Variants in NOX4 observed in about 807,000 individuals in gnomAD.
The protein encoded by NOX4 is NADPH oxidase 4.
Under a neutral mutation model 87.6 loss-of-function variants are expected in NOX4, and 69 were observed. The ratio of observed to expected loss-of-function variants is 0.79; its 90% CI spans 0.65 to 0.96. The LOEUF (loss-of-function observed/expected upper bound fraction) is 0.96. Ranked by LOEUF, NOX4 falls within the 40% of genes least tolerant of loss-of-function variation. The probability of loss-of-function intolerance (pLI) is 0.00; values close to 1 mark genes in which losing one functional copy is unlikely to be tolerated. For missense variants in NOX4, 680 were observed against 681.5 expected (o/e 1.00, Z 0.02); for synonymous variants, 275 against 238.2 (o/e 1.15, Z -1.42).
chr11:89,393,489 A>G (rs1161203386), intron 11 of NOX4, among the ~76,000 whole-genome samples: 1 of 152,132 alleles, frequency 6.6e-6, no homozygotes, highest in African/African-American at 2.4e-5. Context: ...AGTACCTGAG[A>G]CTACTTTCAT....
chr11:89,372,181 C>T (rs1318215319), intron 12 of NOX4, among the ~76,000 whole-genome samples: 1 of 151,762 alleles, frequency 6.6e-6, no homozygotes, highest in Non-Finnish European at 1.5e-5. Context: ...ATCCCCACCC[C>T]TCCACTGCCT....
chr11:89,343,225 A>G (rs917668214), intron 13 of NOX4, among the ~76,000 whole-genome samples: 1 of 152,184 alleles, frequency 6.6e-6, no homozygotes, highest in African/African-American at 2.4e-5. Context: ...TTCATCTATA[A>G]AAGGGTCAAT....
At position 89,331,054 on chromosome 11, in the gene NOX4, T is replaced by C. The variant is rs1945447901; in HGVS notation, c.1617-4178A>G. ...GGAATACAAATTCTTTTTAAGTGCA[T>C]ATGGAACATTCACCAAGATTGAACA... On this transcript the variant is annotated intron_variant, in intron 17 of 17. Transcript: ENST00000263317. 2.0e-5 allele frequency among the ~76,000 whole-genome samples: 3 copies of C among 151,956 alleles called. No individual in the cohort carries two copies. The South Asian group carries it at 6.2e-4, about 31-fold the overall frequency.
At chr11:89,437,397 C>A (rs894193259) in intron 6 of NOX4, among the ~76,000 whole-genome samples, 40 of 152,206 alleles carry the variant, frequency 2.6e-4, no homozygotes, top group African/African-American at 8.7e-4. Flanking sequence ...CATGCCATTA[C>A]CATCCTTAGA....
intron 7 of NOX4, among the ~76,000 whole-genome samples, chr11:89,432,246 T>C (rs187131194): frequency 6.6e-6 from 1 of 152,064 alleles, no homozygotes; most frequent in East Asian, 1.9e-4. Context: ...ATATACCTAA[T>C]GTAAATGATG....
chr11:89,387,372 C>T (rs1326715107), intron 11 of NOX4, among the ~76,000 whole-genome samples: 3 of 151,880 alleles, frequency 2.0e-5, no homozygotes, highest in Non-Finnish European at 4.4e-5. Context: ...CATCCCTGCC[C>T]GCCAGAGAAC....
intron 6 of NOX4, among the ~76,000 whole-genome samples, chr11:89,440,421 G>A (rs530653646): frequency 6.6e-6 from 1 of 152,198 alleles, no homozygotes; most frequent in South Asian, 2.1e-4. Flanking sequence ...CTGGGTTCAA[G>A]TGATTCTCCT....
At chr11:89,467,256 C>T (rs903071277) in intron 2 of NOX4, among the ~76,000 whole-genome samples, 5 of 139,074 alleles carry the variant, frequency 3.6e-5, no homozygotes, top group Admixed American at 1.7e-4. Context: ...GAGGCTGAGG[C>T]AGGAGAATGG....
At chr11:89,377,182 G>C (rs78609037) in intron 11 of NOX4, among the ~76,000 whole-genome samples, 5 of 152,124 alleles carry the variant, frequency 3.3e-5, no homozygotes, top group Non-Finnish European at 5.9e-5. Flanking sequence ...ATTGAAGACA[G>C]AGAAAACAAG....
chr11:89,508,537 G>A, the NOX4 span, among the ~76,000 whole-genome samples: 1 of 152,060 alleles, frequency 6.6e-6, no homozygotes, highest in Non-Finnish European at 1.5e-5. Flanking sequence ...CAATGAGATA[G>A]AACATAATCA....
the NOX4 span, among the ~76,000 whole-genome samples, chr11:89,536,878 A>C: frequency 1.3e-5 from 2 of 152,164 alleles, no homozygotes; most frequent in African/African-American, 4.8e-5. Context: ...CACTGATTCA[A>C]AACTTCCACT....
At position 89,432,854 on chromosome 11, in the gene NOX4, G is replaced by A; in HGVS notation, c.478C>T (p.Pro160Ser). The change falls in exon 7 of 18, where the codon CCT (proline) becomes TCT (serine). Residue 160 changes from proline (P) to serine (S), a missense_variant and splice_region_variant. Pro to Ser is a moderately conservative substitution (Grantham distance 74). Transcript: ENST00000263317. Reference protein sequence around the residue: ...DPRKLLFTTVPGLTGVCMVVV... With the variant: ...DPRKLLFTTVSGLTGVCMVVV... The stretch of plus-strand genomic sequence containing the variant: ...ACCATGCAGACCCCTGTCAGGCCAG[G>A]AACTATAAAAATGTATACAAGTAGG... 1.2e-6 allele frequency: 2 copies of A among 1,607,278 alleles called. No individual in the cohort carries two copies. Among genetic ancestry groups the A allele is most frequent in the Admixed American group, 1.7e-5 (1 of 59,792 alleles).
intron 12 of NOX4, among the ~76,000 whole-genome samples, chr11:89,359,754 A>C (rs1452316224): frequency 6.6e-6 from 1 of 151,960 alleles, no homozygotes; most frequent in East Asian, 1.9e-4. Context: ...GCCTCTCTAT[A>C]ACCTCCTCTA....
At chr11:89,349,854 C>T (rs932911913) in intron 13 of NOX4, among the ~76,000 whole-genome samples, 1 of 152,008 alleles carries the variant, frequency 6.6e-6, no homozygotes, top group African/African-American at 2.4e-5. Flanking sequence ...AAAATTATAC[C>T]AGATGTACTT....
At chr11:89,428,508 G>A (rs1943581518) in intron 7 of NOX4, among the ~76,000 whole-genome samples, 1 of 151,898 alleles carries the variant, frequency 6.6e-6, no homozygotes, top group South Asian at 2.1e-4. Context: ...CAAAATAAAG[G>A]GATGGAGGAA....
At chr11:89,584,392 A>T in the NOX4 span, among the ~76,000 whole-genome samples, 1 of 152,244 alleles carries the variant, frequency 6.6e-6, no homozygotes, top group Non-Finnish European at 1.5e-5. Flanking sequence ...CATTTTTACC[A>T]GTTTTGCACC....
the NOX4 span, among the ~76,000 whole-genome samples, chr11:89,504,958 A>G: frequency 6.6e-6 from 1 of 152,066 alleles, no homozygotes; most frequent in East Asian, 1.9e-4. Flanking sequence ...CAACATTTCA[A>G]ACATGTCAAG....
chr11:89,460,898 G>A (rs939291707), intron 2 of NOX4, among the ~76,000 whole-genome samples: 5 of 152,122 alleles, frequency 3.3e-5, no homozygotes, highest in African/African-American at 1.2e-4. Flanking sequence ...GCAAAGACTT[G>A]GAACCAACCC....
At chr11:89,406,260 A>G (rs2135205155) in intron 8 of NOX4, among the ~76,000 whole-genome samples, 1 of 152,222 alleles carries the variant, frequency 6.6e-6, no homozygotes, top group Admixed American at 6.6e-5. Flanking sequence ...AAAATCTGAT[A>G]TTATCTCCCT....
Sources: gnomAD v4.1 joint callset for allele counts (sites outside exome capture counted in the v4.1 genomes callset) on GRCh38, gnomAD v4.1.1 for gene constraint, MANE v1.5 for transcripts, NCBI Gene and HGNC (gene_info 2026-07-23, HGNC 2026-07-21) for gene names.